The following DMD variants were observed in gnomAD, a reference collection of about 807,000 sequenced individuals.
The protein encoded by DMD is mutant dystrophin.
DMD carries 63 observed loss-of-function variants against 330.1 expected under a neutral mutation model. That is an observed-to-expected ratio of 0.19 (90% CI 0.16 to 0.24). The LOEUF is 0.24. Among genes scored for constraint, DMD ranks in the 10% least tolerant of loss-of-function variants. The probability of loss-of-function intolerance (pLI) is 1.00; values close to 1 mark genes in which losing one functional copy is unlikely to be tolerated. For synonymous variants in DMD, 1,223 were observed against 959.8 expected (o/e 1.27, Z -5.07); for missense variants, 3,344 against 2,684.1 (o/e 1.25, Z -5.43).
intron 29 of DMD, among the ~76,000 whole-genome samples, chrX:32,429,386 G>GTTTTTTTTT (rs1569562217): frequency 3.5e-4 from 7 of 19,741 alleles, no homozygotes; most frequent in African/African-American, 2.9e-3. Flanking sequence ...CTTTTTTTTG[G>GTTTTTTTTT]GTTTTTTTTT....
Position 33,027,079 on chromosome X carries a change from C to T in DMD, c.32-6879G>A, listed in dbSNP as rs756476433. On this transcript the variant is annotated intron_variant, in intron 1 of 78. Transcript: ENST00000357033. The stretch of plus-strand genomic sequence containing the variant: ...AAAATGGCCACGTGCTAATCCCTGA[C>T]ATCTGTGAATAAATTATGTTACATG... 2.7e-5 allele frequency among the ~76,000 whole-genome samples: 3 copies of T among 112,447 alleles called. 1 individual carries two copies. In the South Asian group the frequency reaches 1.1e-3, roughly 41 times the overall value.
chrX:31,363,272 G>C (rs1186477169), intron 60 of DMD, among the ~76,000 whole-genome samples: 2 of 110,493 alleles, frequency 1.8e-5, no homozygotes, highest in East Asian at 5.6e-4. Context: ...AAATTGGATG[G>C]AATCTCAAGT....
At chrX:32,101,971 T>C (rs1438476946) in intron 44 of DMD, 2 of 110,153 alleles carry the variant, frequency 1.8e-5, no homozygotes, top group African/African-American at 6.8e-5. Context: ...AAGAGAGACA[T>C]GAACACATTA....
intron 18 of DMD, among the ~76,000 whole-genome samples, chrX:32,513,024 G>T (rs1191576129): frequency 8.9e-6 from 1 of 111,838 alleles, no homozygotes; most frequent in Non-Finnish European, 1.9e-5. Context: ...GAAGATGAGG[G>T]ATATTTGGTC....
intron 2 of DMD, among the ~76,000 whole-genome samples, chrX:32,851,864 C>G (rs1354037350): frequency 8.9e-6 from 1 of 111,806 alleles, no homozygotes; most frequent in African/African-American, 3.3e-5. Context: ...TTAGACCAGC[C>G]CTATCCAGGG....
At chrX:32,828,209 A>G (rs1165551530) in intron 4 of DMD, among the ~76,000 whole-genome samples, 1 of 111,598 alleles carries the variant, frequency 9.0e-6, no homozygotes, top group Non-Finnish European at 1.9e-5. Context: ...TCTTTATCGT[A>G]GAACAATTTA....
intron 7 of DMD, among the ~76,000 whole-genome samples, chrX:32,787,765 C>G (rs1025039628): frequency 5.9e-5 from 6 of 101,502 alleles, no homozygotes; most frequent in African/African-American, 2.2e-4. Flanking sequence ...CCATGGGTAG[C>G]AGAAACTGTA....
At chrX:31,263,667 T>C (rs907605829) in intron 62 of DMD, among the ~76,000 whole-genome samples, 7 of 111,770 alleles carry the variant, frequency 6.3e-5, no homozygotes, top group Non-Finnish European at 1.3e-4. Context: ...TTCCAGAAGC[T>C]AACCTTTCTC....
intron 43 of DMD, among the ~76,000 whole-genome samples, chrX:32,275,391 T>C (rs192074673): frequency 1.6e-4 from 18 of 111,946 alleles, no homozygotes; most frequent in South Asian, 1.1e-3. Context: ...TCAAGTCGTA[T>C]TGATTACCAA....
At chrX:31,733,566 C>T in intron 51 of DMD, among the ~76,000 whole-genome samples, 1 of 111,657 alleles carries the variant, frequency 9.0e-6, no homozygotes, top group East Asian at 2.8e-4. Context: ...ATTTTATTTA[C>T]AACTTCAAAA....
intron 52 of DMD, among the ~76,000 whole-genome samples, chrX:31,721,028 T>C (rs1347429121): frequency 1.8e-5 from 2 of 111,796 alleles, no homozygotes; most frequent in African/African-American, 6.5e-5. Context: ...ATACTTGTTT[T>C]TTATATATCA....
intron 61 of DMD, among the ~76,000 whole-genome samples, chrX:31,333,253 A>G (rs2057233348): frequency 9.0e-6 from 1 of 111,228 alleles, no homozygotes; most frequent in African/African-American, 3.3e-5. Flanking sequence ...TTTAATTTCA[A>G]TTGTTGGTTC....
chrX:32,889,685 G>A (rs2085002198), intron 2 of DMD, among the ~76,000 whole-genome samples: 1 of 110,865 alleles, frequency 9.0e-6, no homozygotes, highest in African/African-American at 3.3e-5. Flanking sequence ...CCTTGAGAAT[G>A]TACTTTGTGA....
intron 44 of DMD, among the ~76,000 whole-genome samples, chrX:32,047,653 C>T (rs1184395186): frequency 9.0e-6 from 1 of 111,574 alleles, no homozygotes; most frequent in African/African-American, 3.3e-5. Flanking sequence ...TTTATTGACA[C>T]TTTTATCCAC....
Position 32,491,531 on chromosome X carries a change from A to T in DMD, c.2381-13T>A. On this transcript the variant is annotated splice_polypyrimidine_tract_variant and intron_variant, in intron 19 of 78. Coordinates refer to ENST00000357033, the MANE Select transcript of DMD (RefSeq NM_004006.3). ...GCATTAACACCCTCTAGAAAGAAAA[A>T]AATAATTAAATATATCCCCTGAACC... The T allele has an allele frequency of 8.4e-7, 1 of 1,196,597 alleles. No homozygotes were observed. Among genetic ancestry groups the T allele is most frequent in the Non-Finnish European group, 1.1e-6 (1 of 886,180 alleles).
At chrX:32,524,879 G>T (rs1040769274) in intron 17 of DMD, among the ~76,000 whole-genome samples, 3 of 112,356 alleles carry the variant, frequency 2.7e-5, no homozygotes, top group African/African-American at 9.7e-5. Context: ...TTGATGTACA[G>T]ATTTTTAAAA....
chrX:32,406,383 G>A (rs1279023412), intron 30 of DMD, among the ~76,000 whole-genome samples: 1 of 110,845 alleles, frequency 9.0e-6, no homozygotes, highest in Non-Finnish European at 1.9e-5. Context: ...GATATTGGCT[G>A]TGGGTTCATC....
Position 31,212,176 on chromosome X carries a change from G to A in DMD, c.9362-2477C>T, listed in dbSNP as rs757152650. On this transcript the variant is annotated intron_variant, in intron 64 of 78. Coordinates refer to ENST00000357033, the MANE Select transcript of DMD (RefSeq NM_004006.3). ...TATATATATATATATATGTGTGTGT[G>A]TATGTGTGTGTGTGTGTGTGTGTGT... Among the ~76,000 whole-genome samples the A allele has an allele frequency of 1.7e-3, 134 of 79,313 alleles. 1 individual carries two copies. Among genetic ancestry groups the A allele is most frequent in the African/African-American group, 4.9e-3 (105 of 21,404 alleles). 68.9% of individuals were successfully genotyped at this position (79,313 alleles called of 115,157 possible). A position where few individuals can be genotyped will look rare whatever the true frequency, so the allele number is the denominator to read the frequency against.
chrX:32,211,639 T>C (rs2097094066), intron 44 of DMD, among the ~76,000 whole-genome samples: 1 of 111,924 alleles, frequency 8.9e-6, no homozygotes, highest in Non-Finnish European at 1.9e-5. Flanking sequence ...TTTGTTGATT[T>C]AAAGCCTAAA....
Sources: gnomAD v4.1 joint callset for allele counts (sites outside exome capture counted in the v4.1 genomes callset) on GRCh38, gnomAD v4.1.1 for gene constraint, MANE v1.5 for transcripts, NCBI Gene and HGNC (gene_info 2026-07-23, HGNC 2026-07-21) for gene names.